INVS: variants seen among roughly 807,000 people sequenced by gnomAD.
INVS encodes the protein inversion of embryo turning homolog.
In INVS, 86 loss-of-function variants were observed where a neutral mutation model predicts 108.8. That is an observed-to-expected ratio of 0.79 (90% CI 0.66 to 0.95). The LOEUF is 0.95. Among genes scored for constraint, INVS ranks in the 40% least tolerant of loss-of-function variants. INVS has a pLI of 0.00. For synonymous variants in INVS, 455 were observed against 473.5 expected (o/e 0.96, Z 0.51); for missense variants, 1,169 against 1,297.4 (o/e 0.90, Z 1.52).
intron 2 of INVS, among the ~76,000 whole-genome samples, chr9:100,124,152 A>G (rs547178049): frequency 2.1e-5 from 3 of 144,234 alleles, no homozygotes; most frequent in African/African-American, 7.8e-5. Context: ...GTTTGTTTTC[A>G]TTGGAGGTTT....
At chr9:100,254,534 G>T (rs1832351147) in intron 10 of INVS, among the ~76,000 whole-genome samples, 1 of 152,076 alleles carries the variant, frequency 6.6e-6, no homozygotes, top group Non-Finnish European at 1.5e-5. Context: ...TTCTTCTAGG[G>T]TTTTTATGGT....
intron 3 of INVS, among the ~76,000 whole-genome samples, chr9:100,187,525 CTT>C (rs34728274): frequency 1.4e-4 from 15 of 105,530 alleles, no homozygotes; most frequent in African/African-American, 4.0e-4. Context: ...TCTATGATTT[CTT>C]TTTTTTTTTT....
Position 100,152,968 on chromosome 9 carries a change from C to A in INVS, c.273+26419C>A, listed in dbSNP as rs114170841. 1.3e-3 allele frequency among the ~76,000 whole-genome samples: 200 copies of A among 151,556 alleles called. 1 individual carries two copies. Among genetic ancestry groups the A allele is most frequent in the African/African-American group, 4.6e-3 (190 of 41,218 alleles). On this transcript the variant is annotated intron_variant, in intron 3 of 16. Coordinates refer to ENST00000262457, the MANE Select transcript of INVS (RefSeq NM_014425.5). ...ATGACTGTAAACTTCATGTATGTAACTTTGGTTATTTCAGTGTTGTACAGA... is the reference window on the plus strand; with the variant it reads ...ATGACTGTAAACTTCATGTATGTAAATTTGGTTATTTCAGTGTTGTACAGA...
chr9:100,104,549 G>T lies in INVS; in HGVS notation c.28G>T (p.Ala10Ser). 6.2e-7 allele frequency: 1 copy of T among 1,614,074 alleles called. No homozygotes were observed. Among genetic ancestry groups the T allele is most frequent in the South Asian group, 1.1e-5 (1 of 91,082 alleles). MNKSENLLF[A>S]GSSLASQVHA... The stretch of plus-strand genomic sequence containing the variant: ...GAACAAGTCAGAGAACCTGCTGTTT[G>T]CTGGTTCATCATTAGCATCACAAGT... Residue 10 changes from alanine to serine, a missense_variant, in exon 2 of 17, where the codon GCT (alanine) becomes TCT (serine). Around this residue, in one of 3 missense-constraint regions of INVS, gnomAD observed 365 missense variants for 397.5 expected, o/e 0.92. Coordinates refer to ENST00000262457, the MANE Select transcript of INVS (RefSeq NM_014425.5).
At chr9:100,238,863 T>C (rs1831775453) in intron 5 of INVS, among the ~76,000 whole-genome samples, 1 of 152,232 alleles carries the variant, frequency 6.6e-6, no homozygotes, top group Non-Finnish European at 1.5e-5. Flanking sequence ...TAATTAACAT[T>C]GTGAACTCAC....
chr9:100,240,266 A>G, intron 6 of INVS, 26 bp downstream of exon 6: 1 of 1,570,450 alleles, frequency 6.4e-7, no homozygotes, highest in Non-Finnish European at 8.8e-7. Flanking sequence ...GATCAACAGT[A>G]AAAGGAACTT....
At chr9:100,145,823 C>T (rs138855256) in intron 3 of INVS, among the ~76,000 whole-genome samples, 2,422 of 152,178 alleles carry the variant, frequency 0.016, 31 homozygotes, top group Middle Eastern at 0.034. Context: ...ACGGATAAAA[C>T]GCGTCTCCTG....
At chr9:100,255,104 T>C (rs1401190679) in intron 10 of INVS, among the ~76,000 whole-genome samples, 1 of 152,214 alleles carries the variant, frequency 6.6e-6, no homozygotes, top group African/African-American at 2.4e-5. Context: ...GAGCAGTGGT[T>C]TGTAGTTCTC....
intron 3 of INVS, among the ~76,000 whole-genome samples, chr9:100,218,859 T>C (rs1831062525): frequency 2.0e-5 from 3 of 152,250 alleles, no homozygotes; most frequent in East Asian, 1.9e-4. Context: ...ATCCCTAATA[T>C]CACTGAAGAC....
chr9:100,294,723 C>T (rs1440712462), intron 14 of INVS, among the ~76,000 whole-genome samples: 1 of 152,104 alleles, frequency 6.6e-6, no homozygotes, highest in Non-Finnish European at 1.5e-5. Flanking sequence ...ATGCACTTTG[C>T]CTGAAAATAG....
intron 13 of INVS, among the ~76,000 whole-genome samples, chr9:100,288,238 T>C (rs908981771): frequency 6.6e-6 from 1 of 152,156 alleles, no homozygotes; most frequent in African/African-American, 2.4e-5. Context: ...TTGGCTCTGC[T>C]CTCTGAGAAG....
intron 14 of INVS, among the ~76,000 whole-genome samples, chr9:100,295,982 G>A (rs987879168): frequency 6.6e-6 from 1 of 152,340 alleles, no homozygotes; most frequent in Non-Finnish European, 1.5e-5. Context: ...TACCCTCCAG[G>A]ACAGAAGGAA....
intron 2 of INVS, among the ~76,000 whole-genome samples, chr9:100,124,882 CG>C (rs1298916211): frequency 6.6e-6 from 1 of 152,146 alleles, no homozygotes; most frequent in Non-Finnish European, 1.5e-5. Context: ...CTTTAGTAAA[CG>C]GACAATCTGT....
chr9:100,173,010 C>T (rs1829590044), intron 3 of INVS, among the ~76,000 whole-genome samples: 1 of 151,992 alleles, frequency 6.6e-6, no homozygotes. Flanking sequence ...TGCAGGGCTA[C>T]CATTGTCTTA....
intron 3 of INVS, among the ~76,000 whole-genome samples, chr9:100,139,203 G>A (rs765642853): frequency 1.3e-5 from 2 of 152,022 alleles, no homozygotes; most frequent in Non-Finnish European, 1.5e-5. Flanking sequence ...CTCAGTTCTC[G>A]TACTTCTGTG....
chr9:100,138,392 G>A (rs1252253523), intron 3 of INVS, among the ~76,000 whole-genome samples: 4 of 152,008 alleles, frequency 2.6e-5, no homozygotes, highest in African/African-American at 9.7e-5. Context: ...GGTGACAAGA[G>A]CGAAATTCCG....
chr9:100,284,286 A>T (rs771606850), intron 12 of INVS, 34 bp from the exon 13 acceptor site: 2 of 1,612,774 alleles, frequency 1.2e-6, no homozygotes, highest in Non-Finnish European at 1.7e-6. Context: ...TACTCTTTAA[A>T]TTTTTTCATC....
chr9:100,239,003 C>T (rs1405093070), intron 5 of INVS, among the ~76,000 whole-genome samples: 2 of 152,206 alleles, frequency 1.3e-5, no homozygotes, highest in African/African-American at 4.8e-5. Flanking sequence ...TGATTAATTT[C>T]TGCCAGCATG....
chr9:100,301,863 CTGGA>C lies in INVS; in HGVS notation c.*1194_*1197del, dbSNP rs1342161118. Among the ~76,000 whole-genome samples, 1 of 152,084 alleles carries C rather than the reference CTGGA, an allele frequency of 6.6e-6. No individual in the cohort carries two copies. The highest frequency in any genetic ancestry group is 1.5e-5 in the Non-Finnish European group (1 of 68,032). Reference sequence around the variant, plus strand: ...CAAAAACACAAAGAAGGAGGTCTGCCTGGATGGAATTACAAAGATTTAGCCAGTT... The same window carrying C: ...CAAAAACACAAAGAAGGAGGTCTGCCTGGAATTACAAAGATTTAGCCAGTT... On this transcript the variant is annotated 3_prime_UTR_variant, in exon 17 of 17. Coordinates refer to ENST00000262457, the MANE Select transcript of INVS (RefSeq NM_014425.5).
Sources: gnomAD v4.1 joint callset for allele counts (sites outside exome capture counted in the v4.1 genomes callset) on GRCh38, gnomAD v4.1.1 for gene constraint, gnomAD v4.1.1 regional missense constraint, MANE v1.5 for transcripts, NCBI Gene and HGNC (gene_info 2026-07-23, HGNC 2026-07-21) for gene names.